The following BCAS4 variants were observed in gnomAD, a reference collection of about 807,000 sequenced individuals.
BCAS4 encodes the protein breast carcinoma amplified sequence 4.
BCAS4 carries 9 observed loss-of-function variants against 15.7 expected under a neutral mutation model. The observed-to-expected ratio is 0.57, with a 90% CI of 0.34 to 1.00. The LOEUF (loss-of-function observed/expected upper bound fraction) is 1.00. BCAS4 is among the 50% of genes least tolerant of loss of function. BCAS4 has a pLI of 0.02. For missense variants in BCAS4, 225 were observed against 239.1 expected (o/e 0.94, Z 0.39); for synonymous variants, 101 against 99.5 (o/e 1.02, Z -0.09).
At chr20:50,859,366 C>T (rs879940814) in intron 4 of BCAS4, among the ~76,000 whole-genome samples, 2 of 152,182 alleles carry the variant, frequency 1.3e-5, no homozygotes, top group African/African-American at 4.8e-5. Flanking sequence ...AGACCCTTGG[C>T]GTGGAAGGAG....
intron 1 of BCAS4, among the ~76,000 whole-genome samples, chr20:50,817,720 T>TC (rs1309919710): frequency 6.6e-6 from 1 of 151,944 alleles, no homozygotes; most frequent in Non-Finnish European, 1.5e-5. Flanking sequence ...CCTCACACAT[T>TC]TTTTTTGGTA....
rs2272962 is a variant in BCAS4, at chr20:50,795,161, G to T, written c.78G>T (p.Glu26Asp). Residue 26 changes from glutamate to aspartate, a missense_variant, in exon 1 of 5, where the codon GAG (glutamate) becomes GAT (aspartate). By Grantham distance (45) the Glu-to-Asp change is conservative. Coordinates refer to ENST00000371608, the MANE Select transcript of BCAS4 (RefSeq NM_198799.4). ...AGCTCGCGCTCTTCCTGACCCCCGA[G>T]CCTGGGGCCGAGGTAGGGGACGGGG... ...ARELALFLTP[E>D]PGAEAKEVEE... 261,344 of 1,450,564 alleles carry T rather than the reference G, an allele frequency of 0.18. 24,297 individuals carry two copies. Among genetic ancestry groups the T allele is most frequent in the South Asian group, 0.21 (16,050 of 74,702 alleles). The allele number at this position is 1,450,564 out of a possible 1,614,324, so 89.9% of individuals were successfully genotyped here.
rs375780908 is a variant in BCAS4, at chr20:50,841,814, G to A, written c.313G>A (p.Val105Met). The change falls in exon 4 of 5, where the codon GTG (valine) becomes ATG (methionine). Residue 105 changes from valine (V) to methionine (M), a missense_variant. Transcript: ENST00000371608. The stretch of plus-strand genomic sequence containing the variant: ...CCACGTCGCCTTCCTGGAAGCAGAC[G>A]TGCTTCAGGCTGAGCGGGACCATGG... ...GHHVAFLEAD[V>M]LQAERDHGAF... 40 of 1,613,800 alleles carry A rather than the reference G, an allele frequency of 2.5e-5. No individual in the cohort carries two copies. Among genetic ancestry groups the A allele is most frequent in the South Asian group, 5.5e-5 (5 of 91,078 alleles).
chr20:50,861,070 G>GT (rs1243401511), intron 4 of BCAS4, among the ~76,000 whole-genome samples: 1 of 151,924 alleles, frequency 6.6e-6, no homozygotes. Flanking sequence ...TCAAGCAGCA[G>GT]TTAGAGATTT....
intron 1 of BCAS4, among the ~76,000 whole-genome samples, chr20:50,806,354 T>TC (rs2087989390): frequency 1.3e-5 from 2 of 152,184 alleles, no homozygotes; most frequent in Non-Finnish European, 2.9e-5. Context: ...GTACACGTCC[T>TC]CCCCTTCCCT....
chr20:50,816,161 G>T (rs1043987837), intron 1 of BCAS4, among the ~76,000 whole-genome samples: 1 of 152,192 alleles, frequency 6.6e-6, no homozygotes. Context: ...GAGTAGCTGG[G>T]ACTACAGACG....
In BCAS4 at chr20:50,820,688, A is replaced by G. The variant is rs542595299; in HGVS notation, c.162+2406A>G. ...GAAGTCCATGTGGACAGGCGGAGAG[A>G]CCCATGTGGCCCAGCCCTGAAAAAC... On this transcript the variant is annotated intron_variant, in intron 2 of 4. Coordinates refer to ENST00000371608, the MANE Select transcript of BCAS4 (RefSeq NM_198799.4). Among the ~76,000 whole-genome samples, 207 of 152,250 alleles carry G rather than the reference A, an allele frequency of 1.4e-3. 5 individuals carry two copies. In the South Asian group the frequency reaches 0.042, roughly 31 times the overall value.
chr20:50,801,936 C>A (rs2087931913), intron 1 of BCAS4, among the ~76,000 whole-genome samples: 1 of 151,946 alleles, frequency 6.6e-6, no homozygotes, highest in Non-Finnish European at 1.5e-5. Context: ...ACCTCAGTGA[C>A]CACAGGGGTG....
At chr20:50,817,360 C>T (rs189785099) in intron 1 of BCAS4, among the ~76,000 whole-genome samples, 50 of 152,282 alleles carry the variant, frequency 3.3e-4, no homozygotes, top group African/African-American at 1.1e-3. Context: ...ATGGGATGCC[C>T]GGTTGAATTT....
At chr20:50,867,200 T>A (rs922695829) in intron 4 of BCAS4, among the ~76,000 whole-genome samples, 3 of 152,234 alleles carry the variant, frequency 2.0e-5, no homozygotes, top group Non-Finnish European at 4.4e-5. Flanking sequence ...CCACAGTTGC[T>A]TCTGTTTCCC....
intron 1 of BCAS4, among the ~76,000 whole-genome samples, chr20:50,810,151 T>C (rs960855028): frequency 4.0e-5 from 6 of 151,628 alleles, no homozygotes; most frequent in African/African-American, 1.5e-4. Flanking sequence ...AAATGTACAA[T>C]TAAGTTATTA....
chr20:50,836,025 C>G (rs1389265613), intron 3 of BCAS4, among the ~76,000 whole-genome samples: 1 of 151,946 alleles, frequency 6.6e-6, no homozygotes, highest in East Asian at 1.9e-4. Flanking sequence ...TCAAGTGATT[C>G]TCCTGCCTCA....
chr20:50,820,225 T>C (rs1226307652), intron 2 of BCAS4, among the ~76,000 whole-genome samples: 1 of 152,162 alleles, frequency 6.6e-6, no homozygotes, highest in Non-Finnish European at 1.5e-5. Flanking sequence ...TCCATTCCCA[T>C]CAAGCCCCAG....
chr20:50,873,509 T>C (rs998305872), intron 4 of BCAS4, among the ~76,000 whole-genome samples: 4 of 152,244 alleles, frequency 2.6e-5, no homozygotes, highest in Non-Finnish European at 5.9e-5. Context: ...ACTTGAATGT[T>C]GCATTTTCTA....
chr20:50,822,944 A>T (rs2088234333), intron 2 of BCAS4, among the ~76,000 whole-genome samples: 1 of 152,096 alleles, frequency 6.6e-6, no homozygotes, highest in Admixed American at 6.6e-5. Flanking sequence ...AAAGTTGAAC[A>T]TGTGCTTAAC....
intron 1 of BCAS4, among the ~76,000 whole-genome samples, chr20:50,811,287 C>A (rs2088059806): frequency 6.6e-6 from 1 of 152,092 alleles, no homozygotes; most frequent in Non-Finnish European, 1.5e-5. Context: ...ATCCCTGAGG[C>A]CCAGGAGTTG....
At chr20:50,818,892 G>A (rs1216991064) in intron 2 of BCAS4, among the ~76,000 whole-genome samples, 1 of 152,162 alleles carries the variant, frequency 6.6e-6, no homozygotes, top group African/African-American at 2.4e-5. Flanking sequence ...TCTAGAAATC[G>A]CCTCTAGAGG....
chr20:50,835,927 T>C (rs188958184), intron 3 of BCAS4, among the ~76,000 whole-genome samples: 69 of 152,088 alleles, frequency 4.5e-4, no homozygotes, highest in African/African-American at 1.4e-3. Context: ...CTTTTCTTTT[T>C]TTTTTTCGGA....
chr20:50,825,387 G>C (rs1354771825), intron 2 of BCAS4, among the ~76,000 whole-genome samples: 1 of 152,112 alleles, frequency 6.6e-6, no homozygotes, highest in Non-Finnish European at 1.5e-5. Flanking sequence ...TGGCCCTAAA[G>C]TTTCTTTTAT....
Sources: allele counts gnomAD v4.1 joint callset (sites outside exome capture counted in the v4.1 genomes callset), GRCh38; gene constraint gnomAD v4.1.1; transcripts MANE v1.5; gene names NCBI Gene and HGNC (gene_info 2026-07-23, HGNC 2026-07-21).